The following ERBB4 variants were observed in gnomAD, a reference collection of about 807,000 sequenced individuals.
ERBB4 encodes the protein erb-b2 receptor tyrosine kinase 4.
Under a neutral mutation model 158.0 loss-of-function variants are expected in ERBB4, and 42 were observed. The observed-to-expected ratio is 0.27, with a 90% CI of 0.21 to 0.34. ERBB4 has a LOEUF of 0.34. Among genes scored for constraint, ERBB4 ranks in the 10% least tolerant of loss-of-function variants. ERBB4 has a pLI of 1.00. For synonymous variants in ERBB4, 583 were observed against 558.7 expected (o/e 1.04, Z -0.61); for missense variants, 1,333 against 1,624.1 (o/e 0.82, Z 3.08).
Position 212,380,362 on chromosome 2 carries a change from A to C in ERBB4, c.82+158087T>G, listed in dbSNP as rs1384993516. Among the ~76,000 whole-genome samples the C allele has an allele frequency of 4.0e-5, 6 of 151,280 alleles. No individual in the cohort carries two copies. The East Asian group carries it at 1.2e-3, about 29-fold the overall frequency. ...TAGAGATGATTTAAAGTATATGGGA[A>C]GATGTGCATAGGTTATATGCAAATA... On this transcript the variant is annotated intron_variant, in intron 1 of 27. Coordinates refer to ENST00000342788, the MANE Select transcript of ERBB4 (RefSeq NM_005235.3).
At chr2:211,425,415 A>AT (rs1216107775) in intron 22 of ERBB4, among the ~76,000 whole-genome samples, 2 of 151,776 alleles carry the variant, frequency 1.3e-5, no homozygotes, top group Non-Finnish European at 2.9e-5. Flanking sequence ...CTATTACCTG[A>AT]TTTTTTTGGT....
At chr2:211,805,902 T>C (rs1366313195) in intron 3 of ERBB4, among the ~76,000 whole-genome samples, 1 of 151,078 alleles carries the variant, frequency 6.6e-6, no homozygotes, top group Non-Finnish European at 1.5e-5. Flanking sequence ...AAATATAATA[T>C]TTAACAAAAT....
chr2:211,425,086 T>C (rs1450352340), intron 22 of ERBB4, among the ~76,000 whole-genome samples: 2 of 152,148 alleles, frequency 1.3e-5, no homozygotes, highest in Non-Finnish European at 2.9e-5. Context: ...ACTAAATATC[T>C]TTTTTGTAAT....
chr2:212,346,592 AAAC>A (rs937509348), intron 1 of ERBB4, among the ~76,000 whole-genome samples: 97 of 141,204 alleles, frequency 6.9e-4, no homozygotes, highest in African/African-American at 2.4e-3. Context: ...ACTTTTCCTG[AAAC>A]AATGATTCAA....
chr2:212,368,489 G>A (rs995459656), intron 1 of ERBB4, among the ~76,000 whole-genome samples: 4 of 152,022 alleles, frequency 2.6e-5, no homozygotes, highest in Non-Finnish European at 4.4e-5. Flanking sequence ...TACTGCTTGG[G>A]TGATGGGTGC....
chr2:211,387,958 G>C lies in ERBB4; in HGVS notation c.3170C>G (p.Thr1057Ser). 1 of 1,609,066 alleles carries C rather than the reference G, an allele frequency of 6.2e-7. No homozygotes were observed. Residue 1057 changes from threonine (T) to serine (S), a missense_variant, in exon 26 of 28, where the codon ACC becomes AGC. Physicochemically the swap from Thr to Ser is moderately conservative, Grantham distance 58. This residue lies in a region of ERBB4 where 252 missense variants were observed against 241.3 expected (regional missense o/e 1.04). Transcript: ENST00000342788. ...EIGHSPPPAY[T>S]PMSGNQFVYR... ...TGAAATACTTACTCCTGACATGGGGGTGTAGGCAGGAGGAGGGCTGTGTCC... is the reference window on the plus strand; with the variant it reads ...TGAAATACTTACTCCTGACATGGGGCTGTAGGCAGGAGGAGGGCTGTGTCC...
At chr2:211,941,443 A>G (rs1166482283) in intron 3 of ERBB4, among the ~76,000 whole-genome samples, 1 of 152,136 alleles carries the variant, frequency 6.6e-6, no homozygotes, top group Non-Finnish European at 1.5e-5. Context: ...CTCTTGTGTA[A>G]GAAAAAGAAC....
chr2:212,065,664 G>A (rs368665926), intron 2 of ERBB4, among the ~76,000 whole-genome samples: 9 of 152,114 alleles, frequency 5.9e-5, no homozygotes, highest in African/African-American at 2.2e-4. Context: ...AGTGGAAACT[G>A]TGTGAAAATG....
chr2:211,662,037 TCAAAAAAAAAAAAAAAAAAA>T (rs2071443500), intron 15 of ERBB4, among the ~76,000 whole-genome samples: 1 of 32,472 alleles, frequency 3.1e-5, no homozygotes, highest in Admixed American at 7.2e-4. Flanking sequence ...GGACTCCGTC[TCAAAAAAAAAAAAAAAAAAA>T]AAAAAAAAAA....
intron 1 of ERBB4, among the ~76,000 whole-genome samples, chr2:212,514,110 C>A (rs528968674): frequency 6.6e-6 from 1 of 152,010 alleles, no homozygotes; most frequent in South Asian, 2.1e-4. Flanking sequence ...TCACTTTTTT[C>A]TCACTTTATT....
chr2:211,551,530 C>T (rs76758214), intron 20 of ERBB4, among the ~76,000 whole-genome samples: 9,429 of 152,102 alleles, frequency 0.062, 354 homozygotes, highest in Middle Eastern at 0.14. Context: ...ATTCAAACAA[C>T]TGGTATTCAC....
intron 20 of ERBB4, among the ~76,000 whole-genome samples, chr2:211,532,736 C>A (rs1280190744): frequency 1.3e-5 from 2 of 151,742 alleles, no homozygotes; most frequent in Non-Finnish European, 2.9e-5. Flanking sequence ...CAAAAGATAT[C>A]CAAACTCCAA....
At chr2:211,868,035 T>C (rs2078252139) in intron 3 of ERBB4, among the ~76,000 whole-genome samples, 1 of 152,256 alleles carries the variant, frequency 6.6e-6, no homozygotes, top group African/African-American at 2.4e-5. Context: ...CAGATTCTAC[T>C]ATGATATCCA....
chr2:212,019,319 C>T (rs979017585), intron 2 of ERBB4, among the ~76,000 whole-genome samples: 1 of 152,014 alleles, frequency 6.6e-6, no homozygotes, highest in African/African-American at 2.4e-5. Context: ...GAAAAATAAA[C>T]CTTATTTTTC....
chr2:212,283,282 T>C (rs1450175274), intron 1 of ERBB4, among the ~76,000 whole-genome samples: 3 of 152,008 alleles, frequency 2.0e-5, no homozygotes, highest in Non-Finnish European at 4.4e-5. Flanking sequence ...AAAATCCGTA[T>C]GCCCATCAGC....
intron 1 of ERBB4, among the ~76,000 whole-genome samples, chr2:212,140,521 ATGT>A (rs2080426086): frequency 7.0e-6 from 1 of 143,478 alleles, no homozygotes; most frequent in African/African-American, 2.8e-5. Flanking sequence ...ATTTTTAAAA[ATGT>A]TTTTTTTTTA....
intron 25 of ERBB4, among the ~76,000 whole-genome samples, chr2:211,391,438 T>C (rs2062796539): frequency 6.6e-6 from 1 of 152,184 alleles, no homozygotes; most frequent in Non-Finnish European, 1.5e-5. Context: ...ACTGGGTGCA[T>C]CTGTTCAATT....
At chr2:211,990,760 T>C (rs576202185) in intron 2 of ERBB4, among the ~76,000 whole-genome samples, 81 of 151,912 alleles carry the variant, frequency 5.3e-4, no homozygotes, top group African/African-American at 1.9e-3. Context: ...TTGAGGATGT[T>C]GGATGTTGCA....
At chr2:212,299,456 T>A (rs1272593819) in intron 1 of ERBB4, among the ~76,000 whole-genome samples, 1 of 151,618 alleles carries the variant, frequency 6.6e-6, no homozygotes, top group Non-Finnish European at 1.5e-5. Flanking sequence ...TTAGAAACCA[T>A]ATAAAAAGGC....
Sources: gnomAD v4.1 joint callset for allele counts (sites outside exome capture counted in the v4.1 genomes callset) on GRCh38, gnomAD v4.1.1 for gene constraint, gnomAD v4.1.1 regional missense constraint, MANE v1.5 for transcripts, NCBI Gene and HGNC (gene_info 2026-07-23, HGNC 2026-07-21) for gene names.